The following PTPRD variants were observed in gnomAD, a reference collection of about 807,000 sequenced individuals.
The protein encoded by PTPRD is protein tyrosine phosphatase receptor type D, also known as receptor-type tyrosine-protein phosphatase delta.
Under a neutral mutation model 214.5 loss-of-function variants are expected in PTPRD, and 34 were observed. The ratio of observed to expected loss-of-function variants is 0.16; its 90% confidence interval spans 0.12 to 0.21. The LOEUF (loss-of-function observed/expected upper bound fraction) is 0.21. PTPRD is among the 10% of genes least tolerant of loss of function. PTPRD has a pLI of 1.00. For missense variants in PTPRD, 2,545 were observed against 2,398.7 expected (o/e 1.06, Z -1.27); for synonymous variants, 1,128 against 845.7 (o/e 1.33, Z -5.79).
chr9:10,506,197 A>AT (rs1566594457), intron 2 of PTPRD, among the ~76,000 whole-genome samples: 15 of 152,064 alleles, frequency 9.9e-5, no homozygotes, highest in East Asian at 9.7e-4. Flanking sequence ...AAGCTTCAAG[A>AT]CTTTTTTTAT....
intron 2 of PTPRD, among the ~76,000 whole-genome samples, chr9:10,559,733 CA>C (rs2131456905): frequency 6.6e-6 from 1 of 152,140 alleles, no homozygotes; most frequent in Non-Finnish European, 1.5e-5. Context: ...ACAACCCCAT[CA>C]AAAAGTGGGC....
At position 10,449,792 on chromosome 9, in the gene PTPRD, G is replaced by A. The variant is rs1303870990; in HGVS notation, c.-599-108775C>T. Among the ~76,000 whole-genome samples the A allele has an allele frequency of 1.2e-4, 18 of 151,382 alleles. 1 individual carries two copies. Among genetic ancestry groups the A allele is most frequent in the Middle Eastern group, 3.5e-3 (1 of 288 alleles). On this transcript the variant is annotated intron_variant, in intron 2 of 45. Coordinates refer to ENST00000381196, the MANE Select transcript of PTPRD (RefSeq NM_002839.4). ...CCATGATGACGATGGCGGTTTTGTC[G>A]AATAGAAAAGGGGGAAATGTGGGGA...
intron 2 of PTPRD, among the ~76,000 whole-genome samples, chr9:10,496,041 T>C (rs541867622): frequency 6.2e-4 from 94 of 151,982 alleles, no homozygotes; most frequent in Non-Finnish European, 1.1e-3. Flanking sequence ...AATTATTGTA[T>C]TATTAATCTA....
At chr9:10,445,765 C>G (rs1172262352) in intron 2 of PTPRD, among the ~76,000 whole-genome samples, 2 of 151,756 alleles carry the variant, frequency 1.3e-5, no homozygotes, top group African/African-American at 4.8e-5. Flanking sequence ...AGCATAGGTA[C>G]CAGAAGCACA....
chr9:10,442,193 T>C (rs1823392313), intron 2 of PTPRD, among the ~76,000 whole-genome samples: 1 of 151,694 alleles, frequency 6.6e-6, no homozygotes, highest in South Asian at 2.1e-4. Flanking sequence ...TCAGTAAATG[T>C]AATTTAAAAT....
chr9:9,203,768 TCAGA>T (rs1326794010), intron 9 of PTPRD, among the ~76,000 whole-genome samples: 1 of 152,172 alleles, frequency 6.6e-6, no homozygotes, highest in Non-Finnish European at 1.5e-5. Flanking sequence ...TTTTATGGAC[TCAGA>T]CAAACAATAC....
intron 3 of PTPRD, among the ~76,000 whole-genome samples, chr9:10,325,902 A>T (rs2096634436): frequency 1.3e-5 from 2 of 152,008 alleles, no homozygotes; most frequent in Non-Finnish European, 2.9e-5. Context: ...ACAAAAGTGA[A>T]TACAAAATTT....
chr9:8,338,984 G>T lies in PTPRD; in HGVS notation c.5317C>A (p.Pro1773Thr), dbSNP rs2132228233. 6.2e-7 allele frequency: 1 copy of T among 1,612,408 alleles called. No individual in the cohort carries two copies. Among genetic ancestry groups the T allele is most frequent in the Non-Finnish European group, 8.5e-7 (1 of 1,178,840 alleles). ...SARYQYFVVDPMAEYNMPQYI... is the reference protein window; with the variant it reads ...SARYQYFVVDTMAEYNMPQYI... ...TGTGGCATGTTGTACTCAGCCATGG[G>T]ATCTACAACAAAGTACTGGTATCTT... Residue 1773 changes from proline (P) to threonine (T), a missense_variant, in exon 43 of 46, where the codon CCC becomes ACC. Physicochemically the swap from Pro to Thr is conservative, Grantham distance 38. Coordinates refer to ENST00000381196, the MANE Select transcript of PTPRD (RefSeq NM_002839.4).
chr9:8,693,463 C>G (rs1227986928), intron 12 of PTPRD, among the ~76,000 whole-genome samples: 1 of 152,164 alleles, frequency 6.6e-6, no homozygotes, highest in African/African-American at 2.4e-5. Context: ...CATTAAGGTG[C>G]TTAAATTATT....
chr9:10,386,697 A>T (rs1196377190), intron 2 of PTPRD, among the ~76,000 whole-genome samples: 1 of 151,870 alleles, frequency 6.6e-6, no homozygotes, highest in Non-Finnish European at 1.5e-5. Flanking sequence ...CAAACAAAAA[A>T]CAGAGAGAGA....
intron 30 of PTPRD, among the ~76,000 whole-genome samples, chr9:8,482,584 T>TAGCA (rs2096910263): frequency 6.6e-6 from 1 of 152,158 alleles, no homozygotes; most frequent in Non-Finnish European, 1.5e-5. Flanking sequence ...TCCAAACAGG[T>TAGCA]AGCACAATAG....
intron 9 of PTPRD, among the ~76,000 whole-genome samples, chr9:9,214,622 C>A (rs1441872449): frequency 6.6e-6 from 1 of 152,022 alleles, no homozygotes; most frequent in Non-Finnish European, 1.5e-5. Flanking sequence ...GACAATGAGA[C>A]CTCTCTGTGA....
chr9:9,723,651 C>T (rs759317405), intron 7 of PTPRD, among the ~76,000 whole-genome samples: 4 of 152,034 alleles, frequency 2.6e-5, no homozygotes, highest in Admixed American at 2.6e-4. Context: ...GTCTTCCAAT[C>T]CATGAATATA....
intron 11 of PTPRD, among the ~76,000 whole-genome samples, chr9:9,013,228 G>A (rs1367263944): frequency 6.6e-6 from 1 of 151,894 alleles, no homozygotes; most frequent in African/African-American, 2.4e-5. Context: ...CCGATGAAGC[G>A]TTTCTGAAGC....
At chr9:9,698,349 C>A (rs922690691) in intron 7 of PTPRD, among the ~76,000 whole-genome samples, 3 of 152,148 alleles carry the variant, frequency 2.0e-5, no homozygotes, top group Non-Finnish European at 4.4e-5. Flanking sequence ...GTTACTTTCT[C>A]CTTTTTAGCA....
chr9:9,271,745 A>T (rs542485006), intron 9 of PTPRD, among the ~76,000 whole-genome samples: 32 of 151,346 alleles, frequency 2.1e-4, no homozygotes, highest in Non-Finnish European at 4.0e-4. Context: ...GTTTTTTCTG[A>T]GACTAACATC....
intron 3 of PTPRD, among the ~76,000 whole-genome samples, chr9:10,190,069 A>G (rs926377656): frequency 1.3e-5 from 2 of 152,166 alleles, no homozygotes; most frequent in Admixed American, 1.3e-4. Flanking sequence ...CCAACAGATT[A>G]GAAAAGTCAA....
At chr9:9,260,629 GA>G (rs1452348161) in intron 9 of PTPRD, among the ~76,000 whole-genome samples, 1 of 151,722 alleles carries the variant, frequency 6.6e-6, no homozygotes, top group Non-Finnish European at 1.5e-5. Flanking sequence ...AACTGGGAGG[GA>G]CTTGGCTTGA....
chr9:9,681,007 A>T (rs2097057265), intron 7 of PTPRD, among the ~76,000 whole-genome samples: 1 of 151,650 alleles, frequency 6.6e-6, no homozygotes, highest in Non-Finnish European at 1.5e-5. Context: ...ACTTGGTAAA[A>T]TTTTTCACAC....
Sources: gnomAD v4.1 joint callset for allele counts (sites outside exome capture counted in the v4.1 genomes callset) on GRCh38, gnomAD v4.1.1 for gene constraint, MANE v1.5 for transcripts, NCBI Gene and HGNC (gene_info 2026-07-23, HGNC 2026-07-21) for gene names.